Variants in ECT2L observed in about 807,000 individuals in gnomAD.
ECT2L encodes the protein epithelial cell transforming 2 like.
A neutral mutation model predicts 122.8 loss-of-function variants in ECT2L; 126 were observed. That is an observed-to-expected ratio of 1.03 (90% CI 0.89 to 1.19). The LOEUF (loss-of-function observed/expected upper bound fraction) is 1.19. Among genes scored for constraint, ECT2L ranks in the 50% most tolerant of loss-of-function variants. ECT2L has a pLI of 0.00. For missense variants in ECT2L, 1,012 were observed against 1,064.1 expected (o/e 0.95, Z 0.68); for synonymous variants, 385 against 381.8 (o/e 1.01, Z -0.10).
At chr6:138,849,514 T>C in intron 9 of ECT2L, 80 bp downstream of exon 9, 2 of 1,399,180 alleles carry the variant, frequency 1.4e-6, no homozygotes, top group Non-Finnish European at 1.9e-6. Flanking sequence ...TCCGGAGGAC[T>C]ATCTCAGTTC....
Position 138,885,750 on chromosome 6 carries a change from A to G in ECT2L, c.2179A>G (p.Thr727Ala). The G allele has an allele frequency of 1.2e-6, 2 of 1,614,120 alleles. No homozygotes were observed. The highest frequency in any genetic ancestry group is 1.7e-6 in the Non-Finnish European group (2 of 1,180,024). ...LNLLYAVRLH[T>A]PAEHVDRGDL... ...TCTTCTCTACGCTGTCAGGCTTCATACCCCTGCAGAGCATGTTGACCGTGG... is the reference window on the plus strand; with the variant it reads ...TCTTCTCTACGCTGTCAGGCTTCATGCCCCTGCAGAGCATGTTGACCGTGG... The change falls in exon 18 of 22, where the codon ACC becomes GCC. Residue 727 changes from threonine (T) to alanine (A), a missense_variant. Coordinates refer to ENST00000541398, the MANE Select transcript of ECT2L (RefSeq NM_001077706.3).
At chr6:138,802,593 C>T (rs1304097269) in intron 1 of ECT2L, among the ~76,000 whole-genome samples, 1 of 152,128 alleles carries the variant, frequency 6.6e-6, no homozygotes, top group Admixed American at 6.5e-5. Flanking sequence ...TTTAATATCT[C>T]AATCATTTAA....
Position 138,862,625 on chromosome 6 carries a change from A to C in ECT2L, c.1199-2A>C. 6.2e-7 allele frequency: 1 copy of C among 1,614,014 alleles called. No individual in the cohort carries two copies. On this transcript the variant is annotated splice_acceptor_variant, in intron 10 of 21. Transcript: ENST00000541398. LOFTEE classifies it high-confidence loss of function. ...CTAACGAAAGTGTTTTTGACTATGC[A>C]GAGGCAGGAATTGAAGTTCTTTCCC...
intron 14 of ECT2L, among the ~76,000 whole-genome samples, chr6:138,877,461 G>C (rs1778492454): frequency 6.6e-6 from 1 of 152,160 alleles, no homozygotes; most frequent in African/African-American, 2.4e-5. Flanking sequence ...GAAAACCTTA[G>C]TTCAAAATGA....
At position 138,844,562 on chromosome 6, in the gene ECT2L, T is replaced by C. The variant is rs374832008; in HGVS notation, c.746T>C (p.Leu249Ser). ...ALEKQLVLTSLETLPKRSNIS... is the reference protein window; with the variant it reads ...ALEKQLVLTSSETLPKRSNIS... ...GAGAAACAGCTTGTTTTGACATCGT[T>C]AGAAACCTTGCCCAAGCGGTAAGCA... Residue 249 changes from leucine (L) to serine (S), a missense_variant, in exon 7 of 22, where the codon TTA (leucine) becomes TCA (serine). Physicochemically the swap from Leu to Ser is moderately radical, Grantham distance 145. Transcript: ENST00000541398. 2 of 1,614,160 alleles carry C rather than the reference T, an allele frequency of 1.2e-6. No homozygotes were observed. Among genetic ancestry groups the C allele is most frequent in the Non-Finnish European group, 1.7e-6 (2 of 1,180,006 alleles).
intron 20 of ECT2L, among the ~76,000 whole-genome samples, chr6:138,892,994 C>T (rs1323387931): frequency 6.6e-6 from 1 of 151,978 alleles, no homozygotes. Context: ...CCTTAGAGAC[C>T]CCTTCTTAAA....
chr6:138,867,403 G>A (rs1020716831), intron 12 of ECT2L, among the ~76,000 whole-genome samples: 7 of 151,912 alleles, frequency 4.6e-5, no homozygotes, highest in African/African-American at 1.2e-4. Context: ...GGTCCAGTAC[G>A]GTGGCTCATG....
chr6:138,890,659 A>G (rs1258296064), intron 20 of ECT2L, among the ~76,000 whole-genome samples: 2 of 151,946 alleles, frequency 1.3e-5, no homozygotes, highest in Non-Finnish European at 2.9e-5. Flanking sequence ...ACATTCATGT[A>G]TTCCTTCTCA....
At chr6:138,854,002 G>T in intron 9 of ECT2L, 24 bp from the exon 10 acceptor site, 1 of 1,609,342 alleles carries the variant, frequency 6.2e-7, no homozygotes, top group South Asian at 1.1e-5. Context: ...AAGCTAATAT[G>T]ACATTTTGAT....
intron 5 of ECT2L, among the ~76,000 whole-genome samples, chr6:138,839,356 A>T (rs7770240): frequency 0.52 from 78,912 of 150,834 alleles, 21,373 homozygotes; most frequent in East Asian, 0.75. Context: ...AATGTAACTA[A>T]ACACATACTT....
At chr6:138,898,152 G>A (rs1323375890) in intron 20 of ECT2L, among the ~76,000 whole-genome samples, 1 of 152,060 alleles carries the variant, frequency 6.6e-6, no homozygotes, top group Non-Finnish European at 1.5e-5. Context: ...ACCACAGACT[G>A]CCCATCACAG....
intron 1 of ECT2L, among the ~76,000 whole-genome samples, chr6:138,799,886 A>C (rs1775482207): frequency 2.0e-5 from 3 of 152,198 alleles, no homozygotes; most frequent in Non-Finnish European, 4.4e-5. Flanking sequence ...TCTCTTGTAT[A>C]ATCTAACTCC....
intron 4 of ECT2L, among the ~76,000 whole-genome samples, chr6:138,830,603 T>C (rs1776617417): frequency 6.6e-6 from 1 of 152,180 alleles, no homozygotes; most frequent in Admixed American, 6.5e-5. Flanking sequence ...CAAAGGACTC[T>C]TGGATTTTTT....
In ECT2L at chr6:138,885,530, C is replaced by A; in HGVS notation, c.2053C>A (p.Arg685=). Residue 685 remains arginine, a synonymous_variant, in exon 17 of 22, where the codon CGA becomes AGA. Coordinates refer to ENST00000541398, the MANE Select transcript of ECT2L (RefSeq NM_001077706.3). ...EKCREMIPAF[R]TFLKRHDKTI... is the part of the protein sequence containing the mutation. ...GTGCAGAGAAATGATACCAGCATTC[C>A]GAACTTTCCTGAAGAGGCATGATAA... 6.2e-7 allele frequency: 1 copy of A among 1,614,072 alleles called. No homozygotes were observed. The highest frequency in any genetic ancestry group is 2.2e-5 in the East Asian group (1 of 44,884).
intron 4 of ECT2L, among the ~76,000 whole-genome samples, chr6:138,824,761 G>A (rs1177733970): frequency 3.9e-5 from 6 of 152,012 alleles, no homozygotes; most frequent in Non-Finnish European, 2.9e-5. Context: ...GATTCTCGCC[G>A]TACCCCAGAC....
intron 16 of ECT2L, among the ~76,000 whole-genome samples, chr6:138,883,993 A>G (rs992176484): frequency 6.6e-6 from 1 of 152,158 alleles, no homozygotes; most frequent in African/African-American, 2.4e-5. Context: ...CCTACCAAGT[A>G]TCTAGGACTA....
intron 14 of ECT2L, among the ~76,000 whole-genome samples, chr6:138,877,550 G>C (rs1451025650): frequency 6.6e-6 from 1 of 151,986 alleles, no homozygotes; most frequent in East Asian, 1.9e-4. Context: ...AAATAATATG[G>C]ACTGTAAGCC....
chr6:138,895,423 G>C (rs528882148), intron 20 of ECT2L, among the ~76,000 whole-genome samples: 2 of 152,182 alleles, frequency 1.3e-5, no homozygotes, highest in East Asian at 1.9e-4. Flanking sequence ...TAAAGTCATA[G>C]AATAAGTGCT....
intron 13 of ECT2L, among the ~76,000 whole-genome samples, chr6:138,871,977 T>C (rs1486692553): frequency 1.3e-5 from 2 of 150,402 alleles, no homozygotes; most frequent in African/African-American, 2.5e-5. Flanking sequence ...ATTTTATTTT[T>C]TAATTTTTTT....
Sources: allele counts gnomAD v4.1 joint callset (sites outside exome capture counted in the v4.1 genomes callset), GRCh38; gene constraint gnomAD v4.1.1; transcripts MANE v1.5; gene names NCBI Gene and HGNC (gene_info 2026-07-23, HGNC 2026-07-21).